Variants in PHKA1 observed in about 807,000 individuals in gnomAD.
PHKA1 encodes phosphorylase b kinase regulatory subunit alpha, skeletal muscle isoform.
In PHKA1, 60 loss-of-function variants were observed where a neutral mutation model predicts 110.2. That is an observed-to-expected ratio of 0.54 (90% CI 0.44 to 0.68). The LOEUF (loss-of-function observed/expected upper bound fraction) is 0.68. Among genes scored for constraint, PHKA1 ranks in the 30% least tolerant of loss-of-function variants. The probability of loss-of-function intolerance (pLI) is 0.00; values close to 1 mark genes in which losing one functional copy is unlikely to be tolerated. For missense variants in PHKA1, 801 were observed against 942.5 expected, an observed-to-expected ratio of 0.85 and a Z score of 1.97; for synonymous variants, 316 against 333.6, an observed-to-expected ratio of 0.95 and a Z score of 0.58.
At chrX:72,646,874 T>C (rs2053366567) in intron 13 of PHKA1, among the ~76,000 whole-genome samples, 1 of 111,386 alleles carries the variant, frequency 9.0e-6, no homozygotes, top group African/African-American at 3.3e-5. Flanking sequence ...CTTACACCTG[T>C]AATCACAGCA....
At chrX:72,685,033 C>G (rs1160556214) in intron 4 of PHKA1, among the ~76,000 whole-genome samples, 2 of 111,201 alleles carry the variant, frequency 1.8e-5, no homozygotes, top group Non-Finnish European at 3.8e-5. Context: ...TAAATGTAAG[C>G]CATACAAAGA....
At chrX:72,612,261 G>A (rs1236577216) in intron 21 of PHKA1, among the ~76,000 whole-genome samples, 1 of 111,648 alleles carries the variant, frequency 9.0e-6, no homozygotes, top group African/African-American at 3.3e-5. Context: ...TATATAAAAT[G>A]TCCCAAGCAA....
chrX:72,609,725 T>C (rs1556257393), intron 22 of PHKA1, 22 bp from the exon 23 acceptor site: 1 of 1,107,769 alleles, frequency 9.0e-7, no homozygotes, highest in Non-Finnish European at 1.2e-6. Context: ...TAGCATAATA[T>C]TATCGTTTCT....
At position 72,593,181 on chromosome X, in the gene PHKA1, G is replaced by A. The variant is rs782514332; in HGVS notation, c.3166C>T (p.Arg1056Cys). The A allele has an allele frequency of 2.9e-5, 35 of 1,192,632 alleles. No homozygotes were observed. Among genetic ancestry groups the A allele is most frequent in the South Asian group, 1.6e-4 (9 of 56,409 alleles). The change falls in exon 29 of 32, where the codon CGC (arginine) becomes TGC (cysteine). Residue 1056 changes from arginine to cysteine, a missense_variant. Arg to Cys is a radical substitution (Grantham distance 180). Coordinates refer to ENST00000373542, the MANE Select transcript of PHKA1 (RefSeq NM_002637.4). ...SKDSRQGQWQ[R>C]RRRLDGALNR... The stretch of plus-strand genomic sequence containing the variant: ...AGTGCCCCATCCAGCCTTCTTCGGC[G>A]TTGCCATTGACCTTGACGACTATCT...
At chrX:72,689,800 C>T (rs1189632568) in intron 4 of PHKA1, among the ~76,000 whole-genome samples, 4 of 111,500 alleles carry the variant, frequency 3.6e-5, no homozygotes, top group Admixed American at 9.5e-5. Context: ...AGACTCTTTT[C>T]CAAGGCAGCC....
At chrX:72,641,889 A>G (rs782675183) in intron 14 of PHKA1, among the ~76,000 whole-genome samples, 18 of 111,705 alleles carry the variant, frequency 1.6e-4, no homozygotes, top group Non-Finnish European at 2.8e-4. Flanking sequence ...AGGCAAATCT[A>G]TCCCCTTTCT....
chrX:72,584,258 G>A lies in PHKA1; in HGVS notation c.3288C>T (p.Thr1096=), dbSNP rs782626114. Residue 1096 remains threonine (T), a synonymous_variant, in exon 30 of 32, where the codon ACC becomes ACT. Coordinates refer to ENST00000373542, the MANE Select transcript of PHKA1 (RefSeq NM_002637.4). ...AGAAAGAGACTCTTACCTCTCTAGT[G>A]GTAGAGGAAGGAAGGACAAACCCTT... is the stretch of plus-strand genomic sequence containing the variant. The part of the protein sequence containing the change: ...SVEGFVLPSS[T]TREMTPGEIK... The A allele has an allele frequency of 4.2e-6, 5 of 1,202,880 alleles. No homozygotes were observed. In the Admixed American group the frequency reaches 1.1e-4, roughly 26 times the overall value.
intron 28 of PHKA1, among the ~76,000 whole-genome samples, chrX:72,597,535 T>C (rs2052606487): frequency 9.0e-6 from 1 of 111,632 alleles, no homozygotes; most frequent in Admixed American, 9.5e-5. Context: ...TTTTAACTTT[T>C]GTAGGTACAT....
intron 1 of PHKA1, among the ~76,000 whole-genome samples, chrX:72,713,148 A>C (rs1382310168): frequency 8.9e-6 from 1 of 112,284 alleles, no homozygotes; most frequent in Admixed American, 9.4e-5. Flanking sequence ...ACACATTAAA[A>C]ATTGTGTATA....
chrX:72,675,452 T>C (rs1225759167), intron 6 of PHKA1, among the ~76,000 whole-genome samples: 2 of 111,138 alleles, frequency 1.8e-5, no homozygotes, highest in African/African-American at 6.5e-5. Flanking sequence ...ACAGCATATA[T>C]TGGATTTCCT....
chrX:72,636,306 G>C lies in PHKA1; in HGVS notation c.1540C>G (p.Arg514Gly), dbSNP rs181530232. ...VLGTSKLYDI[R>G]KTIFTFTPQF... ...GGAGTGAAAGTAAAGATAGTTTTCC[G>C]AATGTCATAGAGTTTTGAAGTTCCA... Residue 514 changes from arginine to glycine, a missense_variant, in exon 15 of 32, where the codon CGG (arginine) becomes GGG (glycine). This residue lies in a region of PHKA1 where 299 missense variants were observed against 423.3 expected (regional missense o/e 0.71). Coordinates refer to ENST00000373542, the MANE Select transcript of PHKA1 (RefSeq NM_002637.4). The C allele has an allele frequency of 4.2e-6, 5 of 1,198,649 alleles. No individual in the cohort carries two copies. The highest frequency in any genetic ancestry group is 5.7e-6 in the Non-Finnish European group (5 of 883,864).
At position 72,580,797 on chromosome X, in the gene PHKA1, C is replaced by A; in HGVS notation, c.*205G>T. On this transcript the variant is annotated 3_prime_UTR_variant, in exon 32 of 32. Transcript: ENST00000373542. ...GTTCATTATACTCATAAGATTGTCACTGGTTCTGCAAGGTGAGCCTCCAGG... is the reference window on the plus strand; with the variant it reads ...GTTCATTATACTCATAAGATTGTCAATGGTTCTGCAAGGTGAGCCTCCAGG... The A allele has an allele frequency of 2.2e-6, 1 of 454,912 alleles. No individual in the cohort carries two copies. Among genetic ancestry groups the A allele is most frequent in the Non-Finnish European group, 3.9e-6 (1 of 257,913 alleles). 37.5% of individuals were successfully genotyped at this position (454,912 alleles called of 1,213,427 possible).
At chrX:72,686,195 C>A (rs1017862445) in intron 4 of PHKA1, among the ~76,000 whole-genome samples, 1 of 111,544 alleles carries the variant, frequency 9.0e-6, no homozygotes, top group African/African-American at 3.3e-5. Context: ...CCTAACACGC[C>A]CTTCGTAAGT....
At chrX:72,626,635 T>C (rs1213823267) in intron 17 of PHKA1, among the ~76,000 whole-genome samples, 1 of 111,782 alleles carries the variant, frequency 8.9e-6, no homozygotes, top group Non-Finnish European at 1.9e-5. Flanking sequence ...ATATATATAC[T>C]GTGTTTTTTC....
chrX:72,638,305 T>C (rs1277359828), intron 14 of PHKA1, among the ~76,000 whole-genome samples: 9 of 105,125 alleles, frequency 8.6e-5, no homozygotes, highest in Non-Finnish European at 7.7e-5. Context: ...TCCCAGAGAC[T>C]AAGGTGGGAG....
chrX:72,671,257 T>C, intron 6 of PHKA1, among the ~76,000 whole-genome samples: 1 of 111,702 alleles, frequency 9.0e-6, no homozygotes, highest in Non-Finnish European at 1.9e-5. Flanking sequence ...AGAAAATCAA[T>C]GTACAAAAAT....
At chrX:72,616,134 G>A (rs782233815) in intron 21 of PHKA1, among the ~76,000 whole-genome samples, 1 of 111,699 alleles carries the variant, frequency 9.0e-6, no homozygotes, top group Non-Finnish European at 1.9e-5. Context: ...GGGAGGCTGA[G>A]GCAGAAGGAT....
intron 14 of PHKA1, among the ~76,000 whole-genome samples, chrX:72,642,524 A>G (rs1168601542): frequency 2.7e-5 from 3 of 111,320 alleles, no homozygotes; most frequent in Non-Finnish European, 5.7e-5. Context: ...CCTTATCTCA[A>G]GGGATTTAGT....
intron 13 of PHKA1, among the ~76,000 whole-genome samples, chrX:72,645,743 C>T (rs1489703771): frequency 8.9e-6 from 1 of 111,945 alleles, no homozygotes; most frequent in East Asian, 2.8e-4. Context: ...ATTAGTCTTT[C>T]CCTCAAGGAG....
Sources: gnomAD v4.1 joint callset for allele counts (sites outside exome capture counted in the v4.1 genomes callset) on GRCh38, gnomAD v4.1.1 for gene constraint, gnomAD v4.1.1 regional missense constraint, MANE v1.5 for transcripts, NCBI Gene and HGNC (gene_info 2026-07-23, HGNC 2026-07-21) for gene names.